DOCK2: variants seen among roughly 807,000 people sequenced by gnomAD.
DOCK2 encodes dedicator of cytokinesis protein 2.
Under a neutral mutation model 248.9 loss-of-function variants are expected in DOCK2, and 87 were observed. The observed-to-expected ratio is 0.35, with a 90% CI of 0.29 to 0.42. The LOEUF (loss-of-function observed/expected upper bound fraction) is 0.42. Ranked by LOEUF, DOCK2 falls within the 10% of genes least tolerant of loss-of-function variation. The pLI, the probability that DOCK2 is intolerant of heterozygous loss-of-function variation, is 1.00. For synonymous variants in DOCK2, 805 were observed against 821.6 expected, an observed-to-expected ratio of 0.98 and a Z score of 0.35; for missense variants, 1,747 against 2,300.2, an observed-to-expected ratio of 0.76 and a Z score of 4.92.
chr5:170,040,922 T>C, intron 36 of DOCK2, 133 bp from the exon 37 acceptor site: 1 of 716,910 alleles, frequency 1.4e-6, no homozygotes. Context: ...CACAAAGTTC[T>C]GGTTATCCAG....
chr5:169,971,889 C>T (rs1331550780), intron 27 of DOCK2, among the ~76,000 whole-genome samples: 1 of 152,172 alleles, frequency 6.6e-6, no homozygotes, highest in Non-Finnish European at 1.5e-5. Context: ...TCATTTCCAC[C>T]TCTGCCACTT....
chr5:169,643,293 C>T (rs917041584), intron 1 of DOCK2, among the ~76,000 whole-genome samples: 1 of 152,050 alleles, frequency 6.6e-6, no homozygotes, highest in African/African-American at 2.4e-5. Flanking sequence ...AAAGTATGAC[C>T]GCCAATGTGG....
intron 30 of DOCK2, among the ~76,000 whole-genome samples, chr5:170,005,046 AC>A (rs1183200710): frequency 7.2e-6 from 1 of 138,604 alleles, no homozygotes; most frequent in African/African-American, 3.0e-5. Flanking sequence ...GTGCACATGT[AC>A]CCTAAAACTT....
At chr5:169,841,403 C>T (rs568015759) in intron 27 of DOCK2, 1 of 987,414 alleles carries the variant, frequency 1.0e-6, no homozygotes, top group East Asian at 1.1e-4. Context: ...CGACACAGAA[C>T]CCAGCTCGAA....
chr5:170,073,547 C>G (rs1256831419), intron 46 of DOCK2, among the ~76,000 whole-genome samples: 1 of 152,184 alleles, frequency 6.6e-6, no homozygotes, highest in African/African-American at 2.4e-5. Flanking sequence ...GAGAGAATGG[C>G]TATCTTCTCA....
At chr5:169,769,075 C>A (rs538299717) in intron 25 of DOCK2, among the ~76,000 whole-genome samples, 112 of 152,286 alleles carry the variant, frequency 7.4e-4, no homozygotes, top group South Asian at 1.7e-3. Context: ...GATCTCTGTG[C>A]AAAGAAAATG....
intron 25 of DOCK2, among the ~76,000 whole-genome samples, chr5:169,773,906 A>AT (rs1363268198): frequency 6.6e-6 from 1 of 152,110 alleles, no homozygotes; most frequent in Non-Finnish European, 1.5e-5. Flanking sequence ...CTTGCTTCTC[A>AT]TTCCCTCTTG....
chr5:170,002,867 C>T (rs1754888456), intron 30 of DOCK2, among the ~76,000 whole-genome samples: 1 of 152,208 alleles, frequency 6.6e-6, no homozygotes, highest in African/African-American at 2.4e-5. Context: ...CACACTGTAG[C>T]TTCCCCTAGT....
chr5:169,677,805 C>T (rs966675051), intron 6 of DOCK2, among the ~76,000 whole-genome samples: 1 of 152,180 alleles, frequency 6.6e-6, no homozygotes, highest in Admixed American at 6.5e-5. Context: ...CGAAGCCAGC[C>T]ATGGGGAAAC....
intron 25 of DOCK2, among the ~76,000 whole-genome samples, chr5:169,790,462 AG>A (rs1766264950): frequency 6.6e-6 from 1 of 152,230 alleles, no homozygotes; most frequent in South Asian, 2.1e-4. Context: ...TGGAAATCTG[AG>A]GCATATATCC....
chr5:169,988,504 A>G (rs977310655), intron 29 of DOCK2, among the ~76,000 whole-genome samples: 1 of 151,860 alleles, frequency 6.6e-6, no homozygotes, highest in Non-Finnish European at 1.5e-5. Context: ...TATTATTATT[A>G]TTGTTTTATT....
Position 169,701,374 on chromosome 5 carries a change from C to T in DOCK2, c.1259-929C>T, listed in dbSNP as rs369377034. 3.3e-5 allele frequency among the ~76,000 whole-genome samples: 5 copies of T among 152,252 alleles called. No homozygotes were observed. The East Asian group carries it at 9.6e-4, about 29-fold the overall frequency. On this transcript the variant is annotated intron_variant, in intron 13 of 51. Coordinates refer to ENST00000520908, the MANE Select transcript of DOCK2 (RefSeq NM_004946.3). ...GGACTTCCGTTCACGATGGCTCTCACTGACTGGCTGTTTCTTTCCACATTT... is the reference window on the plus strand; with the variant it reads ...GGACTTCCGTTCACGATGGCTCTCATTGACTGGCTGTTTCTTTCCACATTT...
At chr5:169,844,266 G>T (rs1367203962) in intron 27 of DOCK2, among the ~76,000 whole-genome samples, 1 of 152,184 alleles carries the variant, frequency 6.6e-6, no homozygotes, top group African/African-American at 2.4e-5. Context: ...AGTTTATTAT[G>T]ACTTACATAC....
At chr5:169,640,495 G>A (rs898240143) in intron 1 of DOCK2, among the ~76,000 whole-genome samples, 2 of 152,204 alleles carry the variant, frequency 1.3e-5, no homozygotes, top group African/African-American at 2.4e-5. Context: ...TTATTAGCAT[G>A]TACATCCTGC....
chr5:169,827,701 C>T (rs917320423), intron 26 of DOCK2, among the ~76,000 whole-genome samples: 2 of 152,130 alleles, frequency 1.3e-5, no homozygotes, highest in Non-Finnish European at 2.9e-5. Context: ...TGAGTTCTCC[C>T]TCGCCCAAAT....
chr5:170,073,809 A>C (rs912479249), intron 46 of DOCK2, among the ~76,000 whole-genome samples: 2 of 152,134 alleles, frequency 1.3e-5, no homozygotes, highest in African/African-American at 4.8e-5. Flanking sequence ...CAATCCTAAT[A>C]TTGGTTATTA....
chr5:169,746,244 T>C (rs1272604366), intron 22 of DOCK2, among the ~76,000 whole-genome samples: 3 of 151,716 alleles, frequency 2.0e-5, no homozygotes, highest in African/African-American at 4.8e-5. Context: ...AAGAGAGTGA[T>C]TGACACTCAA....
At chr5:169,662,844 A>G (rs960489369) in intron 2 of DOCK2, among the ~76,000 whole-genome samples, 2 of 152,192 alleles carry the variant, frequency 1.3e-5, no homozygotes, top group Non-Finnish European at 2.9e-5. Context: ...GCCAAATCAC[A>G]TCATTCCTCC....
chr5:169,939,472 G>A (rs926530710), intron 27 of DOCK2, among the ~76,000 whole-genome samples: 5 of 152,162 alleles, frequency 3.3e-5, no homozygotes, highest in African/African-American at 1.2e-4. Flanking sequence ...ACTCTAGACT[G>A]TGATAAAAAA....
Sources: gnomAD v4.1 joint callset for allele counts (sites outside exome capture counted in the v4.1 genomes callset) on GRCh38, gnomAD v4.1.1 for gene constraint, MANE v1.5 for transcripts, NCBI Gene and HGNC (gene_info 2026-07-23, HGNC 2026-07-21) for gene names.